BCO2: variants seen among roughly 807,000 people sequenced by gnomAD.
BCO2 encodes beta-carotene oxygenase 2, also known as carotenoid-cleaving dioxygenase, mitochondrial.
BCO2 carries 56 observed loss-of-function variants against 65.8 expected under a neutral mutation model. The observed-to-expected ratio is 0.85, with a 90% CI of 0.69 to 1.06. The LOEUF is 1.06. Ranked by LOEUF, BCO2 falls within the 50% of genes least tolerant of loss-of-function variation. The pLI is 0.00. For synonymous variants in BCO2, 233 were observed against 242.3 expected, an observed-to-expected ratio of 0.96 and a Z score of 0.36; for missense variants, 675 against 698.5, an observed-to-expected ratio of 0.97 and a Z score of 0.38.
chr11:112,188,477 C>T lies in BCO2; in HGVS notation c.294-4997C>T, dbSNP rs1458351169. Reference sequence around the variant, plus strand: ...TCCTGTTTCACAACTTCACACTTTCCTGTTGAAGGTCATTAAGCCTTAGTC... The same window carrying T: ...TCCTGTTTCACAACTTCACACTTTCTTGTTGAAGGTCATTAAGCCTTAGTC... On this transcript the variant is annotated intron_variant, in intron 2 of 11. Transcript: ENST00000357685. Among the ~76,000 whole-genome samples, 6 of 152,076 alleles carry T rather than the reference C, an allele frequency of 3.9e-5. 1 individual carries two copies. In the South Asian group the frequency reaches 1.2e-3, roughly 32 times the overall value.
chr11:112,190,304 A>G (rs915908545), intron 2 of BCO2, among the ~76,000 whole-genome samples: 1 of 152,176 alleles, frequency 6.6e-6, no homozygotes, highest in Non-Finnish European at 1.5e-5. Flanking sequence ...AGTACAAAAT[A>G]TATAATACTA....
chr11:112,213,108 T>C (rs1859554632), intron 8 of BCO2, among the ~76,000 whole-genome samples: 1 of 151,964 alleles, frequency 6.6e-6, no homozygotes, highest in Non-Finnish European at 1.5e-5. Flanking sequence ...TAATCATTTG[T>C]TTATTTGATG....
At chr11:112,175,876 T>A (rs1433198146) in intron 1 of BCO2, 187 bp downstream of exon 1, 2 of 520,954 alleles carry the variant, frequency 3.8e-6, no homozygotes, top group Admixed American at 3.1e-5. Flanking sequence ...TGTTTCCTCA[T>A]GGTCAGGGAA....
chr11:112,192,673 C>A (rs1300909895), intron 2 of BCO2, among the ~76,000 whole-genome samples: 1 of 131,702 alleles, frequency 7.6e-6, no homozygotes. Flanking sequence ...CTTTTTCTTT[C>A]TTTCTTTTTT....
Position 112,202,197 on chromosome 11 carries a change from A to G in BCO2, c.1194+7A>G, listed in dbSNP as rs1163746454. On this transcript the variant is annotated splice_region_variant and intron_variant, in intron 8 of 11. Transcript: ENST00000357685. ...TGGGGAAGGGCTTGATCAGGTAAAC[A>G]TTAGAATTTGTCAAGAGTCATCAAA... is the stretch of plus-strand genomic sequence containing the variant. The G allele has an allele frequency of 1.3e-6, 2 of 1,599,342 alleles. No individual in the cohort carries two copies. The highest frequency in any genetic ancestry group is 1.7e-6 in the Non-Finnish European group (2 of 1,175,830).
intron 8 of BCO2, among the ~76,000 whole-genome samples, chr11:112,207,179 T>A (rs1454819003): frequency 1.3e-5 from 2 of 152,198 alleles, no homozygotes; most frequent in Non-Finnish European, 2.9e-5. Context: ...CGCCTTACTG[T>A]ACCAGCTAGG....
In BCO2 at chr11:112,216,327, C is replaced by T; in HGVS notation, c.1623C>T (p.Asn541=). Residue 541 remains asparagine (N), a synonymous_variant, in exon 11 of 12, where the codon AAC becomes AAT. Coordinates refer to ENST00000357685, the MANE Select transcript of BCO2 (RefSeq NM_031938.7). The part of the protein sequence containing the change: ...GVILSVVITP[N]QNESNFILVL... ...TTCTTTCTGTGGTGATCACTCCCAA[C>T]CAGGTAAATATATTTCCCTATCACC... 6.2e-7 allele frequency: 1 copy of T among 1,610,600 alleles called. No individual in the cohort carries two copies. The highest frequency in any genetic ancestry group is 8.5e-7 in the Non-Finnish European group (1 of 1,176,818).
intron 5 of BCO2, among the ~76,000 whole-genome samples, chr11:112,195,325 A>G (rs1213116389): frequency 2.0e-5 from 3 of 151,894 alleles, no homozygotes; most frequent in African/African-American, 7.3e-5. Flanking sequence ...AGTAGAGACG[A>G]GGTTTCACCA....
In BCO2 at chr11:112,195,139, A is replaced by AT. The variant is rs200114568; in HGVS notation, c.736+399dup. 4.7e-3 allele frequency among the ~76,000 whole-genome samples: 679 copies of AT among 143,758 alleles called. 5 individuals are homozygous for AT. The highest frequency in any genetic ancestry group is 0.011 in the South Asian group (48 of 4,558). The allele number at this position is 143,758 out of a possible 152,430, so 94.3% of individuals were successfully genotyped here. ...ATACTATTTCACCATTCTAAACTAC[A>AT]TTTTTTTTTTTTTTTGAGATGGAGT... On this transcript the variant is annotated intron_variant, in intron 5 of 11. Coordinates refer to ENST00000357685, the MANE Select transcript of BCO2 (RefSeq NM_031938.7).
intron 1 of BCO2, 100 bp downstream of exon 1, chr11:112,175,789 A>C: frequency 9.7e-7 from 1 of 1,030,988 alleles, no homozygotes; most frequent in Non-Finnish European, 1.5e-6. Flanking sequence ...GAGCTTCTGA[A>C]GCTTTGTGTC....
intron 2 of BCO2, among the ~76,000 whole-genome samples, chr11:112,190,657 C>T (rs998126185): frequency 6.6e-6 from 1 of 151,842 alleles, no homozygotes; most frequent in Non-Finnish European, 1.5e-5. Flanking sequence ...GAGATCGAGA[C>T]CATCCTGGCT....
chr11:112,180,757 C>G, intron 2 of BCO2: 1 of 908,984 alleles, frequency 1.1e-6, no homozygotes, highest in Admixed American at 1.7e-5. Context: ...ACTCAGGACC[C>G]AGTGGGGGCA....
At position 112,218,096 on chromosome 11, in the gene BCO2, C is replaced by A. The variant is rs1025061552; in HGVS notation, c.*222C>A. ...AATATACTCATGTAACAAGCCTGCA[C>A]ATGTACCCCAGAATCTAAAATAAAA... On this transcript the variant is annotated 3_prime_UTR_variant, in exon 12 of 12. Coordinates refer to ENST00000357685, the MANE Select transcript of BCO2 (RefSeq NM_031938.7). The A allele has an allele frequency of 9.7e-6, 4 of 412,416 alleles. No homozygotes were observed. The highest frequency in any genetic ancestry group is 8.1e-5 in the African/African-American group (4 of 49,410). The allele number at this position is 412,416 out of a possible 1,614,324, so 25.5% of individuals were successfully genotyped here. A position where few individuals can be genotyped will look rare whatever the true frequency, so the allele number is the denominator to read the frequency against.
chr11:112,179,176 C>G (rs1343570372), intron 1 of BCO2, 102 bp from the exon 2 acceptor site: 9 of 1,072,786 alleles, frequency 8.4e-6, no homozygotes, highest in Non-Finnish European at 1.2e-5. Flanking sequence ...GTTTATGTTT[C>G]CCTCAAGCTG....
chr11:112,216,986 T>C (rs1388708811), intron 11 of BCO2, among the ~76,000 whole-genome samples: 1 of 152,256 alleles, frequency 6.6e-6, no homozygotes. Context: ...GACTTTGTCC[T>C]CATGCCATGC....
rs1382998510 is a variant in BCO2, at chr11:112,193,568, A to G, written c.388A>G (p.Thr130Ala). The G allele has an allele frequency of 6.2e-7, 1 of 1,614,196 alleles. No individual in the cohort carries two copies. Among genetic ancestry groups the G allele is most frequent in the Admixed American group, 1.7e-5 (1 of 60,018 alleles). ...CAGGAGCAAGTTTCTACAGAGTGAT[A>G]CATATAAGGCCAACAGTGCTAAAAA... The part of the protein sequence containing the change: ...TYRSKFLQSD[T>A]YKANSAKNRI... The change falls in exon 3 of 12, where the codon ACA becomes GCA. Residue 130 changes from threonine (T) to alanine (A), a missense_variant. Thr to Ala is a moderately conservative substitution (Grantham distance 58). Transcript: ENST00000357685.
At chr11:112,206,737 A>G (rs866769138) in intron 8 of BCO2, among the ~76,000 whole-genome samples, 24 of 152,244 alleles carry the variant, frequency 1.6e-4, no homozygotes, top group African/African-American at 5.3e-4. Context: ...ATTTGATGTC[A>G]ACTTGTCAGT....
chr11:112,201,145 T>C (rs1867719996), intron 7 of BCO2, among the ~76,000 whole-genome samples: 1 of 144,492 alleles, frequency 6.9e-6, no homozygotes, highest in East Asian at 2.0e-4. Context: ...TTCTTTTTCC[T>C]TTTTTTTTGA....
rs755615630 is a variant in BCO2, at chr11:112,193,595, C to A, written c.415C>A (p.Arg139=). 1 of 1,614,042 alleles carries A rather than the reference C, an allele frequency of 6.2e-7. No homozygotes were observed. The change falls in exon 3 of 12, where the codon CGA becomes AGA. Residue 139 remains arginine (R), a synonymous_variant. Transcript: ENST00000357685. ...DTYKANSAKN[R]IVISEFGTLA... ...ATATAAGGCCAACAGTGCTAAAAACCGAATTGTGATCTCAGAATTTGGCAC... is the reference window on the plus strand; with the variant it reads ...ATATAAGGCCAACAGTGCTAAAAACAGAATTGTGATCTCAGAATTTGGCAC...
Sources: allele counts gnomAD v4.1 joint callset (sites outside exome capture counted in the v4.1 genomes callset), GRCh38; gene constraint gnomAD v4.1.1; transcripts MANE v1.5; gene names NCBI Gene and HGNC (gene_info 2026-07-23, HGNC 2026-07-21).